Variants in NFU1 observed in about 807,000 individuals in gnomAD.
NFU1 encodes the protein NFU1 iron-sulfur cluster scaffold homolog, mitochondrial.
In NFU1, 30 loss-of-function variants were observed where a neutral mutation model predicts 32.2. The ratio of observed to expected loss-of-function variants is 0.93; its 90% CI spans 0.70 to 1.26. NFU1 has a LOEUF of 1.26. Ranked by LOEUF, NFU1 falls within the 50% of genes most tolerant of loss-of-function variation. The pLI is 0.00. For synonymous variants in NFU1, 112 were observed against 104.6 expected (o/e 1.07, Z -0.43); for missense variants, 306 against 306.6 (o/e 1.00, Z 0.02).
chr2:69,428,009 C>A (rs1673521926), intron 2 of NFU1, among the ~76,000 whole-genome samples: 4 of 152,040 alleles, frequency 2.6e-5, no homozygotes, highest in African/African-American at 7.2e-5. Flanking sequence ...GGCAACAGAG[C>A]AAGACTCTGT....
chr2:69,401,020 TGATTACCTAA>T (rs1672506337), intron 6 of NFU1, among the ~76,000 whole-genome samples: 1 of 152,196 alleles, frequency 6.6e-6, no homozygotes, highest in Non-Finnish European at 1.5e-5. Context: ...ATAATTATTG[TGATTACCTAA>T]AATATACTCA....
At chr2:69,437,537 C>T (rs769815400), upstream of NFU1, 42 of 1,347,090 alleles carry the variant, frequency 3.1e-5, no homozygotes, top group African/African-American at 5.2e-4. Flanking sequence ...CGGCTGCGGG[C>T]GGTCCTGCTG....
chr2:69,422,218 A>C (rs1673269937), intron 3 of NFU1, among the ~76,000 whole-genome samples: 1 of 152,134 alleles, frequency 6.6e-6, no homozygotes, highest in African/African-American at 2.4e-5. Context: ...GAAAAGGGAT[A>C]ATTTATGCCC....
chr2:69,429,141 G>T (rs765863146), intron 2 of NFU1, among the ~76,000 whole-genome samples: 1 of 152,110 alleles, frequency 6.6e-6, no homozygotes, highest in Non-Finnish European at 1.5e-5. Flanking sequence ...ATTAAAGAAA[G>T]GGCTGCCAAC....
intron 1 of NFU1, among the ~76,000 whole-genome samples, chr2:69,435,520 C>A (rs1226747655): frequency 1.3e-5 from 2 of 152,118 alleles, no homozygotes; most frequent in African/African-American, 4.8e-5. Flanking sequence ...GAACTGTTTA[C>A]TACCTTCAAT....
chr2:69,422,444 T>C (rs1435358660), intron 3 of NFU1, among the ~76,000 whole-genome samples: 1 of 152,222 alleles, frequency 6.6e-6, no homozygotes, highest in Non-Finnish European at 1.5e-5. Context: ...CCCCACTGAC[T>C]AGTTTTCATT....
At position 69,421,897 on chromosome 2, in the gene NFU1, C is replaced by T. The variant is rs549801835; in HGVS notation, c.302+1685G>A. Reference sequence around the variant, plus strand: ...TCATCTCTAACATACAGTAGTCCCCCCTTATCCTCAGGGGATCCATTCCAA... The same window carrying T: ...TCATCTCTAACATACAGTAGTCCCCTCTTATCCTCAGGGGATCCATTCCAA... On this transcript the variant is annotated intron_variant, in intron 3 of 7. Coordinates refer to ENST00000410022, the MANE Select transcript of NFU1 (RefSeq NM_001002755.4). Among the ~76,000 whole-genome samples, 4 of 152,150 alleles carry T rather than the reference C, an allele frequency of 2.6e-5. No homozygotes were observed. The East Asian group carries it at 7.7e-4, about 29-fold the overall frequency.
At chr2:69,422,411 T>C (rs1354470834) in intron 3 of NFU1, among the ~76,000 whole-genome samples, 2 of 152,226 alleles carry the variant, frequency 1.3e-5, no homozygotes, top group East Asian at 3.8e-4. Flanking sequence ...AACATGCCTT[T>C]ATCTGGTGAA....
intron 7 of NFU1, among the ~76,000 whole-genome samples, chr2:69,400,150 G>A (rs1250482469): frequency 3.9e-5 from 6 of 152,120 alleles, no homozygotes; most frequent in African/African-American, 1.4e-4. Context: ...TGGGATTATA[G>A]GTTTGAGCCA....
chr2:69,433,783 T>C (rs557493092), intron 1 of NFU1, among the ~76,000 whole-genome samples: 4 of 152,064 alleles, frequency 2.6e-5, no homozygotes, highest in African/African-American at 4.8e-5. Context: ...GCTTTTCGTG[T>C]TTTGTTTTGA....
chr2:69,403,843 C>CTT (rs202018311), intron 6 of NFU1, among the ~76,000 whole-genome samples: 30 of 144,792 alleles, frequency 2.1e-4, no homozygotes, highest in African/African-American at 6.3e-4. Context: ...TCCAGGGTTA[C>CTT]TTTTTTTTTT....
chr2:69,430,730 A>G (rs543476361), intron 2 of NFU1, among the ~76,000 whole-genome samples: 1 of 152,356 alleles, frequency 6.6e-6, no homozygotes, highest in South Asian at 2.1e-4. Context: ...TATTTACAAT[A>G]TTTATATCTA....
At chr2:69,436,367 C>CT (rs1457742270) in intron 1 of NFU1, among the ~76,000 whole-genome samples, 1 of 152,124 alleles carries the variant, frequency 6.6e-6, no homozygotes, top group Non-Finnish European at 1.5e-5. Flanking sequence ...GTAAAAATGC[C>CT]TTTTTCTATA....
intron 5 of NFU1, among the ~76,000 whole-genome samples, chr2:69,407,445 G>C (rs576067658): frequency 6.6e-6 from 1 of 152,218 alleles, no homozygotes; most frequent in South Asian, 2.1e-4. Flanking sequence ...GGGAGGCTGA[G>C]GTAGGCACAT....
intron 2 of NFU1, among the ~76,000 whole-genome samples, chr2:69,424,242 T>C (rs1476199404): frequency 6.9e-6 from 1 of 145,588 alleles, no homozygotes; most frequent in Non-Finnish European, 1.5e-5. Context: ...TAAGTGCATA[T>C]AGTTTTCTAC....
chr2:69,396,658 AAAAAT>A (rs971273668), intron 7 of NFU1, among the ~76,000 whole-genome samples: 5 of 152,314 alleles, frequency 3.3e-5, no homozygotes, highest in Non-Finnish European at 5.9e-5. Context: ...GTCTCAAAAA[AAAAAT>A]AAAATAAAAT....
chr2:69,424,170 C>CAAA (rs57078704), intron 2 of NFU1, among the ~76,000 whole-genome samples: 47 of 42,944 alleles, frequency 1.1e-3, no homozygotes, highest in African/African-American at 1.7e-3. Context: ...GACTCTGTCT[C>CAAA]AAAAAAAAAA....
Position 69,418,274 on chromosome 2 carries a change from C to T in NFU1, c.369+1264G>A, listed in dbSNP as rs951460331. ...AATTAGTTGGACATGGTGGTATGCACGTATAGTCCCAGCTACTAGGGAGGC... is the reference window on the plus strand; with the variant it reads ...AATTAGTTGGACATGGTGGTATGCATGTATAGTCCCAGCTACTAGGGAGGC... On this transcript the variant is annotated intron_variant, in intron 4 of 7. Coordinates refer to ENST00000410022, the MANE Select transcript of NFU1 (RefSeq NM_001002755.4). 2.6e-5 allele frequency among the ~76,000 whole-genome samples: 4 copies of T among 152,196 alleles called. No homozygotes were observed. The South Asian group carries it at 6.2e-4, about 24-fold the overall frequency.
intron 6 of NFU1, among the ~76,000 whole-genome samples, chr2:69,403,073 G>A (rs111528022): frequency 1.6e-4 from 24 of 148,084 alleles, no homozygotes; most frequent in African/African-American, 5.5e-4. Context: ...TTGTAGAGAC[G>A]GGGTCTCACT....
Sources: allele counts gnomAD v4.1 joint callset (sites outside exome capture counted in the v4.1 genomes callset), GRCh38; gene constraint gnomAD v4.1.1; transcripts MANE v1.5; gene names NCBI Gene and HGNC (gene_info 2026-07-23, HGNC 2026-07-21).